The following CD3E variants were observed in gnomAD, a reference collection of about 807,000 sequenced individuals.
CD3E encodes the protein T-cell surface glycoprotein CD3 epsilon chain.
Under a neutral mutation model 34.7 loss-of-function variants are expected in CD3E, and 16 were observed. The ratio of observed to expected loss-of-function variants is 0.46; its 90% confidence interval spans 0.31 to 0.70. The LOEUF (loss-of-function observed/expected upper bound fraction) is 0.70, where lower values mean the gene tolerates loss of function less well. Among genes scored for constraint, CD3E ranks in the 30% least tolerant of loss-of-function variants. CD3E has a pLI of 0.05. For synonymous variants in CD3E, 70 were observed against 90.8 expected (o/e 0.77, Z 1.30); for missense variants, 223 against 253.9 (o/e 0.88, Z 0.83).
At chr11:118,313,898 A>C in intron 7 of CD3E, 24 bp downstream of exon 7, 1 of 1,611,734 alleles carries the variant, frequency 6.2e-7, no homozygotes, top group South Asian at 1.1e-5. Flanking sequence ...GTCCAGTCAG[A>C]GGAGATTCCT....
Position 118,314,437 on chromosome 11 carries a change from T to G in CD3E, c.521-11T>G, listed in dbSNP as rs760472091. The G allele has an allele frequency of 6.2e-7, 1 of 1,613,332 alleles. No individual in the cohort carries two copies. The highest frequency in any genetic ancestry group is 1.1e-5 in the South Asian group (1 of 90,990). On this transcript the variant is annotated splice_polypyrimidine_tract_variant and intron_variant, in intron 7 of 8. Transcript: ENST00000361763. Reference sequence around the variant, plus strand: ...CATGGGAATGAAATGTTTCCCCTCCTTCCTCCGCAGGACAAAACAAGGAGA... The same window carrying G: ...CATGGGAATGAAATGTTTCCCCTCCGTCCTCCGCAGGACAAAACAAGGAGA...
In CD3E at chr11:118,312,884, A is replaced by G. The variant is rs201240932; in HGVS notation, c.352+18A>G. ...GGCAAGAGGTAATCCAGGTCTCCAGAACAGGTACCACCGGCTCTTTAGGGA... is the reference window on the plus strand; with the variant it reads ...GGCAAGAGGTAATCCAGGTCTCCAGGACAGGTACCACCGGCTCTTTAGGGA... On this transcript the variant is annotated intron_variant, in intron 6 of 8. Transcript: ENST00000361763. The G allele has an allele frequency of 6.2e-7, 1 of 1,614,030 alleles. No individual in the cohort carries two copies. The highest frequency in any genetic ancestry group is 1.7e-5 in the Admixed American group (1 of 60,012).
intron 4 of CD3E, among the ~76,000 whole-genome samples, chr11:118,309,373 C>T (rs370466683): frequency 1.6e-3 from 250 of 152,206 alleles, no homozygotes; most frequent in African/African-American, 4.5e-3. Context: ...GTCAGGAGTT[C>T]GAGACCGGCC....
rs910230502 is a variant in CD3E at position 118,313,119 on chromosome 11, G to T, written c.352+253G>T. The T allele has an allele frequency of 9.5e-6, 5 of 528,698 alleles. No homozygotes were observed. The African/African-American group carries it at 9.5e-5, about 10-fold the overall frequency. 32.8% of individuals were successfully genotyped at this position (528,698 alleles called of 1,614,324 possible). A position where few individuals can be genotyped will look rare whatever the true frequency, so the allele number is the denominator to read the frequency against. ...AAAATAGCAACTCCCTAAGAGACAGGACTGGGTCATTTGCACCGCATCACA... is the reference window on the plus strand; with the variant it reads ...AAAATAGCAACTCCCTAAGAGACAGTACTGGGTCATTTGCACCGCATCACA... On this transcript the variant is annotated intron_variant, in intron 6 of 8. Coordinates refer to ENST00000361763, the MANE Select transcript of CD3E (RefSeq NM_000733.4).
At chr11:118,313,043 G>A (rs1948145143) in intron 6 of CD3E, 177 bp downstream of exon 6, 1 of 743,774 alleles carries the variant, frequency 1.3e-6, no homozygotes, top group African/African-American at 1.7e-5. Flanking sequence ...CTGGAATATA[G>A]ATTAAACACC....
chr11:118,307,437 T>A, intron 3 of CD3E, 129 bp downstream of exon 3: 1 of 773,738 alleles, frequency 1.3e-6, no homozygotes, highest in Non-Finnish European at 2.1e-6. Context: ...TTCTGCCATC[T>A]ACCCCTTTGA....
chr11:118,314,993 ACACACACG>A (rs1361860234), intron 8 of CD3E, among the ~76,000 whole-genome samples: 1 of 121,530 alleles, frequency 8.2e-6, no homozygotes, highest in African/African-American at 2.8e-5. Context: ...ACACACACAC[ACACACACG>A]TGACCAGACA....
At chr11:118,306,056 G>A (rs916282281) in intron 2 of CD3E, among the ~76,000 whole-genome samples, 7 of 152,290 alleles carry the variant, frequency 4.6e-5, no homozygotes, top group Admixed American at 1.3e-4. Context: ...TGTCTAGTAC[G>A]CTCTCAAGTT....
At chr11:118,314,083 G>T in intron 7 of CD3E, among the ~76,000 whole-genome samples, 1 of 152,140 alleles carries the variant, frequency 6.6e-6, no homozygotes, top group East Asian at 1.9e-4. Context: ...GTGCAAAAAA[G>T]TTTATGAAAG....
intron 6 of CD3E, 140 bp from the exon 7 acceptor site, chr11:118,313,567 A>T: frequency 5.1e-6 from 4 of 790,282 alleles, no homozygotes; most frequent in Non-Finnish European, 8.5e-6. Flanking sequence ...TGTTCTAAAC[A>T]TATTGAAGGG....
chr11:118,314,567 G>A, intron 8 of CD3E, 73 bp downstream of exon 8: 2 of 1,384,506 alleles, frequency 1.4e-6, no homozygotes, highest in Non-Finnish European at 2.0e-6. Context: ...CAGATGGGAT[G>A]GCCCATCTTG....
At chr11:118,311,476 A>G (rs1190821015) in intron 4 of CD3E, among the ~76,000 whole-genome samples, 1 of 152,242 alleles carries the variant, frequency 6.6e-6, no homozygotes, top group Non-Finnish European at 1.5e-5. Flanking sequence ...GCTCAGATAT[A>G]ATGTAAAGTG....
At position 118,313,693 on chromosome 11, in the gene CD3E, C is replaced by A. The variant is rs747587896; in HGVS notation, c.353-14C>A. 1 of 1,613,630 alleles carries A rather than the reference C, an allele frequency of 6.2e-7. No homozygotes were observed. Among genetic ancestry groups the A allele is most frequent in the East Asian group, 2.2e-5 (1 of 44,888 alleles). ...GCTTAGTGATTTCCCCTCTCCCCAC[C>A]CCACCCCCCACAGTGTGTGAGAACT... On this transcript the variant is annotated splice_polypyrimidine_tract_variant and intron_variant, in intron 6 of 8. Transcript: ENST00000361763.
intron 4 of CD3E, among the ~76,000 whole-genome samples, chr11:118,310,571 GC>G (rs750722661): frequency 6.6e-6 from 1 of 152,134 alleles, no homozygotes; most frequent in Non-Finnish European, 1.5e-5. Flanking sequence ...TGTGAATAGT[GC>G]ACAATGAACA....
At chr11:118,312,950 C>T (rs768198265) in intron 6 of CD3E, 84 bp downstream of exon 6, 11 of 1,521,796 alleles carry the variant, frequency 7.2e-6, no homozygotes, top group Non-Finnish European at 1.0e-5. Flanking sequence ...TTCCCTAACC[C>T]AGCTCACAGT....
chr11:118,314,367 A>T, intron 7 of CD3E, 81 bp from the exon 8 acceptor site: 1 of 1,170,848 alleles, frequency 8.5e-7, no homozygotes, highest in Non-Finnish European at 1.3e-6. Flanking sequence ...GCCATTCTCT[A>T]TCTGGGTCTC....
chr11:118,315,729 A>C lies in CD3E; in HGVS notation c.*187A>C. ...GCCTTCTCTGCTGGTACCCAGTCCT[A>C]AAATATTGCTGCTTCCTCTTCCTTT... On this transcript the variant is annotated 3_prime_UTR_variant, in exon 9 of 9. Coordinates refer to ENST00000361763, the MANE Select transcript of CD3E (RefSeq NM_000733.4). 1 of 645,094 alleles carries C rather than the reference A, an allele frequency of 1.6e-6. No homozygotes were observed. The highest frequency in any genetic ancestry group is 2.8e-6 in the Non-Finnish European group (1 of 356,296). 40.0% of individuals were successfully genotyped at this position (645,094 alleles called of 1,614,324 possible).
At chr11:118,312,913 C>T (rs199703386) in intron 6 of CD3E, 47 bp downstream of exon 6, 4 of 1,611,518 alleles carry the variant, frequency 2.5e-6, no homozygotes, top group East Asian at 4.5e-5. Flanking sequence ...TTAGGGAGGA[C>T]CATTCAAAAG....
In CD3E at chr11:118,315,673, C is replaced by T; in HGVS notation, c.*131C>T. 2.5e-6 allele frequency: 2 copies of T among 798,796 alleles called. No individual in the cohort carries two copies. Among genetic ancestry groups the T allele is most frequent in the South Asian group, 1.5e-5 (1 of 68,538 alleles). 49.5% of individuals were successfully genotyped at this position (798,796 alleles called of 1,614,324 possible). On this transcript the variant is annotated 3_prime_UTR_variant, in exon 9 of 9. Transcript: ENST00000361763. ...CTCAGCCTCATGGTGAACTCGCGCC[C>T]TCCAGCCTGATCCCCCGCTCCCTCC...
Sources: gnomAD v4.1 joint callset for allele counts (sites outside exome capture counted in the v4.1 genomes callset) on GRCh38, gnomAD v4.1.1 for gene constraint, MANE v1.5 for transcripts, NCBI Gene and HGNC (gene_info 2026-07-23, HGNC 2026-07-21) for gene names.